The following IGF1R variants were observed in gnomAD, a reference collection of about 807,000 sequenced individuals.
IGF1R encodes the protein insulin-like growth factor 1 receptor.
In IGF1R, 44 loss-of-function variants were observed where a neutral mutation model predicts 144.6. The ratio of observed to expected loss-of-function variants is 0.30; its 90% confidence interval spans 0.24 to 0.39. The LOEUF (loss-of-function observed/expected upper bound fraction) is 0.39, where lower values mean the gene tolerates loss of function less well. Ranked by LOEUF, IGF1R falls within the 10% of genes least tolerant of loss-of-function variation. IGF1R has a pLI of 1.00. For synonymous variants in IGF1R, 795 were observed against 722.8 expected (o/e 1.10, Z -1.60); for missense variants, 1,355 against 1,833.7 (o/e 0.74, Z 4.77).
chr15:98,803,927 C>T (rs2056416732), intron 2 of IGF1R, among the ~76,000 whole-genome samples: 1 of 152,180 alleles, frequency 6.6e-6, no homozygotes, highest in Admixed American at 6.5e-5. Flanking sequence ...GTACTGTGCA[C>T]TGTTGTACGT....
chr15:98,910,954 T>C (rs2014985909), intron 6 of IGF1R, among the ~76,000 whole-genome samples: 1 of 152,218 alleles, frequency 6.6e-6, no homozygotes, highest in Non-Finnish European at 1.5e-5. Context: ...AAGGCTCACC[T>C]TCACCCTACC....
intron 2 of IGF1R, among the ~76,000 whole-genome samples, chr15:98,798,672 G>C (rs1202732236): frequency 6.6e-6 from 1 of 152,134 alleles, no homozygotes; most frequent in Non-Finnish European, 1.5e-5. Context: ...GGGATGTCCA[G>C]TGAGGAGGAT....
chr15:98,796,187 G>C (rs1003938285), intron 2 of IGF1R, among the ~76,000 whole-genome samples: 1 of 151,960 alleles, frequency 6.6e-6, no homozygotes, highest in Non-Finnish European at 1.5e-5. Context: ...TGTGCTGGGG[G>C]AATCCCATCA....
chr15:98,759,279 G>A (rs758803206), intron 2 of IGF1R, among the ~76,000 whole-genome samples: 1 of 152,194 alleles, frequency 6.6e-6, no homozygotes, highest in Non-Finnish European at 1.5e-5. Context: ...TCTGTCTGAT[G>A]TTCACAGTCT....
chr15:98,709,715 G>A lies in IGF1R; in HGVS notation c.640+1608G>A, dbSNP rs1232505215. ...TTGGATGGGCCAGCCCTTCTGGGCTGTAGTTGGGCTTTTTTAGGATATTTC... is the reference window on the plus strand; with the variant it reads ...TTGGATGGGCCAGCCCTTCTGGGCTATAGTTGGGCTTTTTTAGGATATTTC... On this transcript the variant is annotated intron_variant, in intron 2 of 20. Transcript: ENST00000650285. Among the ~76,000 whole-genome samples the A allele has an allele frequency of 2.0e-5, 3 of 152,202 alleles. No homozygotes were observed. In the South Asian group the frequency reaches 6.2e-4, roughly 31 times the overall value.
intron 20 of IGF1R, chr15:98,954,530 C>G (rs1462554086): frequency 6.6e-6 from 1 of 152,160 alleles, no homozygotes; most frequent in Admixed American, 6.5e-5. Flanking sequence ...GCAAAAAAGA[C>G]TTCCTTTCAT....
In IGF1R at chr15:98,959,205, ATTTT is replaced by A. The variant is rs886051581; in HGVS notation, c.*1767_*1770del. On this transcript the variant is annotated 3_prime_UTR_variant, in exon 21 of 21. Coordinates refer to ENST00000650285, the MANE Select transcript of IGF1R (RefSeq NM_000875.5). ...TAGGTTGTGACACACATATATATAT[ATTTT>A]TTTAATTCTTGGGTACAACAGCAGT... The A allele has an allele frequency of 3.9e-5, 9 of 233,210 alleles. No individual in the cohort carries two copies. The highest frequency in any genetic ancestry group is 6.8e-5 in the Non-Finnish European group (8 of 117,890). 14.4% of individuals were successfully genotyped at this position (233,210 alleles called of 1,614,324 possible).
In IGF1R at chr15:98,831,630, A is replaced by G. The variant is rs2057003645; in HGVS notation, c.641-59695A>G. On this transcript the variant is annotated intron_variant, in intron 2 of 20. Transcript: ENST00000650285. ...TTTATTATATGTGTGCATGGGAGTC[A>G]TACAAAATATGAAAACTCAAGAAAA... Among the ~76,000 whole-genome samples, 3 of 152,244 alleles carry G rather than the reference A, an allele frequency of 2.0e-5. No individual in the cohort carries two copies. In the South Asian group the frequency reaches 6.2e-4, roughly 31 times the overall value.
At chr15:98,865,417 G>A (rs899110381) in intron 2 of IGF1R, among the ~76,000 whole-genome samples, 2 of 152,166 alleles carry the variant, frequency 1.3e-5, no homozygotes, top group Non-Finnish European at 2.9e-5. Flanking sequence ...CGCTGGCTGG[G>A]CTCCTGCAGC....
intron 2 of IGF1R, among the ~76,000 whole-genome samples, chr15:98,739,621 A>AT (rs11442633): frequency 0.93 from 141,400 of 151,944 alleles, 66,092 homozygotes; most frequent in Non-Finnish European, 0.98. Flanking sequence ...AGAAAAAAAA[A>AT]TTTTTTTGAA....
rs372501863 is a variant in IGF1R at position 98,957,298 on chromosome 15, C to G, written c.3960C>G (p.His1320Gln). Residue 1320 changes from histidine to glutamine, a missense_variant, in exon 21 of 21, where the codon CAC becomes CAG. By Grantham distance (24) the His-to-Gln change is conservative. Coordinates refer to ENST00000650285, the MANE Select transcript of IGF1R (RefSeq NM_000875.5). ...CCTCCCTGCCACTGCCCGACAGACA[C>G]TCAGGACACAAGGCCGAGAACGGCC... is the stretch of plus-strand genomic sequence containing the variant. ...SSSSLPLPDR[H>Q]SGHKAENGPG... 6.2e-7 allele frequency: 1 copy of G among 1,613,448 alleles called. No individual in the cohort carries two copies. The highest frequency in any genetic ancestry group is 8.5e-7 in the Non-Finnish European group (1 of 1,179,652).
At chr15:98,650,585 A>G (rs2052335864) in intron 1 of IGF1R, among the ~76,000 whole-genome samples, 1 of 152,160 alleles carries the variant, frequency 6.6e-6, no homozygotes, top group Admixed American at 6.5e-5. Flanking sequence ...GCCGACGTGC[A>G]TTCCGACACA....
intron 20 of IGF1R, among the ~76,000 whole-genome samples, chr15:98,951,869 CACTGTGGAGCAAACACA>C (rs1324989006): frequency 3.3e-5 from 5 of 152,206 alleles, no homozygotes; most frequent in Non-Finnish European, 5.9e-5. Flanking sequence ...TGGACTCTGC[CACTGTGGAGCAAACACA>C]GCTGTGGGCG....
chr15:98,935,437 A>G lies in IGF1R; in HGVS notation c.3297+11A>G, dbSNP rs375464576. The stretch of plus-strand genomic sequence containing the variant: ...AGGCCAGAAATGGAGGTCAGTTTTC[A>G]TTTCCACCGGTATTGCATGTTGCCT... On this transcript the variant is annotated intron_variant, in intron 17 of 20. Transcript: ENST00000650285. The surrounding 1 kb of genome is among the most constrained non-coding windows in gnomAD (Gnocchi z 4.2). 8.8e-5 allele frequency: 128 copies of G among 1,457,142 alleles called. No homozygotes were observed. The highest frequency in any genetic ancestry group is 1.1e-4 in the Non-Finnish European group (118 of 1,060,706). 90.3% of individuals were successfully genotyped at this position (1,457,142 alleles called of 1,614,324 possible). A position where few individuals can be genotyped will look rare whatever the true frequency, so the allele number is the denominator to read the frequency against.
intron 2 of IGF1R, among the ~76,000 whole-genome samples, chr15:98,761,239 C>T (rs962005545): frequency 6.6e-6 from 1 of 152,222 alleles, no homozygotes; most frequent in Non-Finnish European, 1.5e-5. Flanking sequence ...GGCGTTGTCT[C>T]TGATGGCTTG....
At chr15:98,832,138 C>T (rs566241517) in intron 2 of IGF1R, among the ~76,000 whole-genome samples, 1 of 152,276 alleles carries the variant, frequency 6.6e-6, no homozygotes, top group South Asian at 2.1e-4. Flanking sequence ...TTGCCCCAAA[C>T]TCACATTGTT....
chr15:98,877,691 C>T (rs1375739907), intron 2 of IGF1R, among the ~76,000 whole-genome samples: 2 of 151,992 alleles, frequency 1.3e-5, no homozygotes, highest in African/African-American at 4.8e-5. Flanking sequence ...TTACTCAGCA[C>T]CTGTGAAGAG....
At chr15:98,695,506 G>T (rs1219557251) in intron 1 of IGF1R, among the ~76,000 whole-genome samples, 2 of 152,196 alleles carry the variant, frequency 1.3e-5, no homozygotes, top group Non-Finnish European at 2.9e-5. Context: ...CTCAATTTAA[G>T]CCCCAGCTCT....
chr15:98,959,619 T>C lies in IGF1R; in HGVS notation c.*2177T>C, dbSNP rs2017145488. On this transcript the variant is annotated 3_prime_UTR_variant, in exon 21 of 21. Coordinates refer to ENST00000650285, the MANE Select transcript of IGF1R (RefSeq NM_000875.5). Reference sequence around the variant, plus strand: ...TTCCCTCGGCCAGGAATCCAGGTCCTTGGGGCCCAGGGGTCTTGTCTTGTT... The same window carrying C: ...TTCCCTCGGCCAGGAATCCAGGTCCCTGGGGCCCAGGGGTCTTGTCTTGTT... 4 of 233,474 alleles carry C rather than the reference T, an allele frequency of 1.7e-5. No individual in the cohort carries two copies. The highest frequency in any genetic ancestry group is 1.1e-4 in the Admixed American group (2 of 17,786). The allele number at this position is 233,474 out of a possible 1,614,324, so 14.5% of individuals were successfully genotyped here.
Sources: gnomAD v4.1 joint callset for allele counts (sites outside exome capture counted in the v4.1 genomes callset) on GRCh38, gnomAD v4.1.1 for gene constraint, Gnocchi (gnomAD v3.1) non-coding constraint, MANE v1.5 for transcripts, NCBI Gene and HGNC (gene_info 2026-07-23, HGNC 2026-07-21) for gene names.